Variants in ACOXL observed in about 807,000 individuals in gnomAD.
The protein encoded by ACOXL is acyl-CoA oxidase like, also known as acyl-coenzyme A oxidase-like protein.
Under a neutral mutation model 71.9 loss-of-function variants are expected in ACOXL, and 70 were observed. The observed-to-expected ratio is 0.97, with a 90% confidence interval of 0.80 to 1.19. The LOEUF (loss-of-function observed/expected upper bound fraction) is 1.19. Ranked by LOEUF, ACOXL falls within the 50% of genes most tolerant of loss-of-function variation. The pLI is 0.00. For missense variants in ACOXL, 703 were observed against 736.3 expected, an observed-to-expected ratio of 0.95 and a Z score of 0.52; for synonymous variants, 253 against 281.6, an observed-to-expected ratio of 0.90 and a Z score of 1.02.
chr2:110,962,849 GTGGAAGCAGGCT>G (rs1358475396), intron 12 of ACOXL, among the ~76,000 whole-genome samples: 1 of 152,262 alleles, frequency 6.6e-6, no homozygotes, highest in Admixed American at 6.5e-5. Flanking sequence ...GAAGTGATTT[GTGGAAGCAGGCT>G]TGGACGGGGG....
chr2:110,889,471 C>T (rs1329841144), intron 10 of ACOXL, among the ~76,000 whole-genome samples: 3 of 152,144 alleles, frequency 2.0e-5, no homozygotes, highest in East Asian at 3.8e-4. Context: ...GAAAGAAACC[C>T]TGTATTCTTT....
intron 3 of ACOXL, among the ~76,000 whole-genome samples, chr2:110,791,175 AC>A (rs1425384636): frequency 6.6e-6 from 1 of 152,178 alleles, no homozygotes; most frequent in African/African-American, 2.4e-5. Flanking sequence ...TGGGAAATGA[AC>A]CCCACACTTT....
intron 13 of ACOXL, among the ~76,000 whole-genome samples, chr2:110,989,990 A>G (rs1044855654): frequency 1.3e-5 from 2 of 152,210 alleles, no homozygotes; most frequent in Non-Finnish European, 1.5e-5. Context: ...CAGTGAGCCA[A>G]GATTGCGCCA....
chr2:111,044,147 T>C (rs985237549), intron 15 of ACOXL, among the ~76,000 whole-genome samples: 1 of 152,210 alleles, frequency 6.6e-6, no homozygotes, highest in Non-Finnish European at 1.5e-5. Flanking sequence ...CTCTGCAGCA[T>C]GGTGAGAAGC....
At chr2:110,752,730 G>T (rs1464772748) in intron 1 of ACOXL, among the ~76,000 whole-genome samples, 1 of 152,028 alleles carries the variant, frequency 6.6e-6, no homozygotes, top group East Asian at 1.9e-4. Context: ...TCAATTTTGT[G>T]TGTGTGCATG....
intron 16 of ACOXL, among the ~76,000 whole-genome samples, chr2:111,087,782 C>T (rs2068292267): frequency 1.3e-5 from 2 of 152,084 alleles, no homozygotes; most frequent in African/African-American, 4.8e-5. Flanking sequence ...AAAACAGAAG[C>T]AAAAATTAAC....
chr2:110,756,940 C>T (rs967395537), intron 1 of ACOXL, among the ~76,000 whole-genome samples: 13 of 152,102 alleles, frequency 8.5e-5, no homozygotes, highest in South Asian at 6.2e-4. Context: ...AGGATGTGCA[C>T]ATTTGTTACA....
intron 12 of ACOXL, among the ~76,000 whole-genome samples, chr2:110,985,937 T>C (rs889933100): frequency 3.9e-5 from 6 of 152,188 alleles, no homozygotes; most frequent in African/African-American, 1.2e-4. Flanking sequence ...ATCCCTCTTA[T>C]TGGCAGAGTG....
At chr2:111,026,260 C>A (rs1182811598) in intron 14 of ACOXL, among the ~76,000 whole-genome samples, 1 of 152,072 alleles carries the variant, frequency 6.6e-6, no homozygotes, top group Non-Finnish European at 1.5e-5. Context: ...TATTCTTTTA[C>A]AAATTTTCTA....
At chr2:110,825,640 C>G (rs567066729) in intron 9 of ACOXL, among the ~76,000 whole-genome samples, 62 of 152,172 alleles carry the variant, frequency 4.1e-4, no homozygotes, top group African/African-American at 1.5e-3. Flanking sequence ...TATCCTTAAT[C>G]TTTTTAATAG....
At chr2:110,942,880 A>G (rs978999593) in intron 12 of ACOXL, among the ~76,000 whole-genome samples, 2 of 149,006 alleles carry the variant, frequency 1.3e-5, no homozygotes, top group African/African-American at 5.0e-5. Context: ...TGTGACCCTG[A>G]AAAAAAAAGG....
intron 12 of ACOXL, among the ~76,000 whole-genome samples, chr2:110,981,824 AC>A: frequency 6.6e-6 from 1 of 152,102 alleles, no homozygotes. Context: ...GCACTGGAAG[AC>A]CCCGAGGGAC....
intron 10 of ACOXL, among the ~76,000 whole-genome samples, chr2:110,895,451 T>A (rs71431127): frequency 0.08 from 12,140 of 152,136 alleles, 667 homozygotes; most frequent in Middle Eastern, 0.14. Context: ...GATCTAACAT[T>A]TGTGTCTTTC....
At chr2:111,081,924 AG>A (rs555368034) in intron 16 of ACOXL, among the ~76,000 whole-genome samples, 22 of 152,250 alleles carry the variant, frequency 1.4e-4, no homozygotes, top group Non-Finnish European at 1.3e-4. Context: ...CAATGGGGAA[AG>A]GATTCCATAT....
chr2:110,841,545 G>C, intron 10 of ACOXL, 140 bp downstream of exon 10: 1 of 661,408 alleles, frequency 1.5e-6, no homozygotes, highest in Non-Finnish European at 2.6e-6. Flanking sequence ...AATTGTTCTA[G>C]TTGCTTGATT....
chr2:110,846,641 G>A (rs62162655), intron 10 of ACOXL, among the ~76,000 whole-genome samples: 2,164 of 138,008 alleles, frequency 0.016, 137 homozygotes, highest in Admixed American at 0.1. Flanking sequence ...ATGCATACAC[G>A]CACACACACA....
Position 111,091,189 on chromosome 2 carries a change from C to T in ACOXL, c.1441-1676C>T, listed in dbSNP as rs928399003. Among the ~76,000 whole-genome samples, 4 of 152,292 alleles carry T rather than the reference C, an allele frequency of 2.6e-5. No individual in the cohort carries two copies. The South Asian group carries it at 8.3e-4, about 32-fold the overall frequency. On this transcript the variant is annotated intron_variant, in intron 16 of 17. Coordinates refer to ENST00000439055, the MANE Select transcript of ACOXL (RefSeq NM_001142807.4). ...GCAGCCACTCCCTGCCCTCTACCCT[C>T]TAAGCCTAGAAGGTGGTAACAGCTC...
chr2:111,096,484 G>GC (rs899550023), intron 17 of ACOXL, among the ~76,000 whole-genome samples: 47 of 151,992 alleles, frequency 3.1e-4, no homozygotes, highest in African/African-American at 9.4e-4. Flanking sequence ...CTCGTGATCT[G>GC]CCCCCCTCAG....
At chr2:111,013,522 C>CAAAAAAAAAAAA (rs56905916) in intron 14 of ACOXL, among the ~76,000 whole-genome samples, 5 of 95,524 alleles carry the variant, frequency 5.2e-5, no homozygotes, top group South Asian at 3.7e-4. Flanking sequence ...GACCCTGTCT[C>CAAAAAAAAAAAA]AAAAAAAAAA....
Sources: allele counts gnomAD v4.1 joint callset (sites outside exome capture counted in the v4.1 genomes callset), GRCh38; gene constraint gnomAD v4.1.1; transcripts MANE v1.5; gene names NCBI Gene and HGNC (gene_info 2026-07-23, HGNC 2026-07-21).